Variants in SLC35F3 observed in about 807,000 individuals in gnomAD.
The protein encoded by SLC35F3 is solute carrier family 35 member F3.
A neutral mutation model predicts 49.9 loss-of-function variants in SLC35F3; 25 were observed. That is an observed-to-expected ratio of 0.50 (90% CI 0.37 to 0.70). The LOEUF (loss-of-function observed/expected upper bound fraction) is 0.70. SLC35F3 is among the 30% of genes least tolerant of loss of function. The pLI is 0.00. For synonymous variants in SLC35F3, 275 were observed against 265.4 expected (o/e 1.04, Z -0.35); for missense variants, 525 against 639.8 (o/e 0.82, Z 1.94).
chr1:234,267,681 C>G (rs1334157210), intron 3 of SLC35F3, among the ~76,000 whole-genome samples: 5 of 146,442 alleles, frequency 3.4e-5, no homozygotes, highest in African/African-American at 4.9e-5. Context: ...CGGGCGGAGA[C>G]GCTCCTCACT....
At chr1:234,206,653 C>T (rs1362208903) in intron 2 of SLC35F3, among the ~76,000 whole-genome samples, 1 of 152,106 alleles carries the variant, frequency 6.6e-6, no homozygotes, top group Non-Finnish European at 1.5e-5. Flanking sequence ...ACCAAGGTCC[C>T]CACCGTAGAG....
intron 3 of SLC35F3, among the ~76,000 whole-genome samples, chr1:234,246,173 G>A (rs184751985): frequency 1.3e-5 from 2 of 152,226 alleles, no homozygotes; most frequent in African/African-American, 2.4e-5. Context: ...AGGAAAGGCT[G>A]CCAGTGGCAG....
intron 2 of SLC35F3, among the ~76,000 whole-genome samples, chr1:234,007,319 G>C (rs1178737562): frequency 6.6e-6 from 1 of 152,200 alleles, no homozygotes; most frequent in East Asian, 1.9e-4. Flanking sequence ...TGGTACTTGA[G>C]CAAAGCCTTG....
chr1:234,082,684 C>T (rs879440928), intron 2 of SLC35F3, among the ~76,000 whole-genome samples: 1 of 152,186 alleles, frequency 6.6e-6, no homozygotes, highest in Non-Finnish European at 1.5e-5. Context: ...GTTTAATGGA[C>T]TCACAGTTTC....
intron 3 of SLC35F3, among the ~76,000 whole-genome samples, chr1:234,280,526 C>G (rs568250268): frequency 2.6e-5 from 4 of 152,320 alleles, no homozygotes; most frequent in African/African-American, 9.6e-5. Context: ...TTGAGCTTGA[C>G]AGCCTTCAGA....
intron 3 of SLC35F3, among the ~76,000 whole-genome samples, chr1:234,236,961 A>ATATATATATG (rs1424651694): frequency 2.4e-5 from 3 of 123,344 alleles, no homozygotes; most frequent in Non-Finnish European, 5.1e-5. Context: ...ATATATATAT[A>ATATATATATG]TATGGAGGAA....
At chr1:234,016,735 C>T (rs1192890170) in intron 2 of SLC35F3, among the ~76,000 whole-genome samples, 1 of 152,144 alleles carries the variant, frequency 6.6e-6, no homozygotes, top group African/African-American at 2.4e-5. Flanking sequence ...ATCCCATGTG[C>T]TTGATGTTAG....
At chr1:234,284,299 CAG>C (rs1424308893) in intron 3 of SLC35F3, among the ~76,000 whole-genome samples, 1 of 152,216 alleles carries the variant, frequency 6.6e-6, no homozygotes, top group Non-Finnish European at 1.5e-5. Context: ...CAAGATCTCA[CAG>C]CTAGGAGGTG....
intron 2 of SLC35F3, among the ~76,000 whole-genome samples, chr1:234,082,863 C>T (rs1664901763): frequency 6.6e-6 from 1 of 152,182 alleles, no homozygotes; most frequent in Non-Finnish European, 1.5e-5. Context: ...CCCATTGGGC[C>T]CCTCCTACAA....
rs564477418 is a variant in SLC35F3, at chr1:234,233,430, G to A, written c.608+1689G>A. 2.4e-4 allele frequency among the ~76,000 whole-genome samples: 37 copies of A among 152,346 alleles called. No individual in the cohort carries two copies. The South Asian group carries it at 6.6e-3, about 27-fold the overall frequency. ...CTACCTTCAACCATACAGGCTGAAA[G>A]AGGACCCCCAAGTGGTAACACTGGC... is the stretch of plus-strand genomic sequence containing the variant. On this transcript the variant is annotated intron_variant, in intron 3 of 7. Transcript: ENST00000366618.
At position 234,158,718 on chromosome 1, in the gene SLC35F3, G is replaced by A. The variant is rs149519502; in HGVS notation, c.284-72699G>A. Among the ~76,000 whole-genome samples, 22 of 152,274 alleles carry A rather than the reference G, an allele frequency of 1.4e-4. No individual in the cohort carries two copies. The East Asian group carries it at 3.7e-3, about 25-fold the overall frequency. On this transcript the variant is annotated intron_variant, in intron 2 of 7. Transcript: ENST00000366618. ...TAGACATGGAATTGGTTGTCAAAAA[G>A]CATGTGCATATTTAAGACGTTCCCT...
intron 3 of SLC35F3, among the ~76,000 whole-genome samples, chr1:234,251,262 G>A (rs1667733825): frequency 6.6e-6 from 1 of 152,098 alleles, no homozygotes; most frequent in Non-Finnish European, 1.5e-5. Flanking sequence ...ACTGCTTAGT[G>A]AGTGAAGGTT....
intron 2 of SLC35F3, among the ~76,000 whole-genome samples, chr1:234,207,442 T>C (rs12130578): frequency 0.063 from 267 of 4,254 alleles, 82 homozygotes; most frequent in African/African-American, 0.11. Flanking sequence ...CCTGCTTCCT[T>C]TTTTCTTCTT....
At chr1:234,139,985 A>AAAATAAAAT (rs1665875809) in intron 2 of SLC35F3, among the ~76,000 whole-genome samples, 1 of 140,334 alleles carries the variant, frequency 7.1e-6, no homozygotes, top group Non-Finnish European at 1.6e-5. Context: ...AAAATAAAAT[A>AAAATAAAAT]AAATAAAATA....
At chr1:234,268,271 A>G (rs2102972684) in intron 3 of SLC35F3, among the ~76,000 whole-genome samples, 1 of 152,256 alleles carries the variant, frequency 6.6e-6, no homozygotes, top group Admixed American at 6.5e-5. Context: ...CGGCCAACAC[A>G]GCGAAACCCC....
intron 2 of SLC35F3, among the ~76,000 whole-genome samples, chr1:234,197,412 G>A (rs536066736): frequency 3.3e-5 from 5 of 152,212 alleles, no homozygotes; most frequent in Non-Finnish European, 7.3e-5. Context: ...AGGGCTAGTG[G>A]AGAAGAGGAC....
intron 3 of SLC35F3, among the ~76,000 whole-genome samples, chr1:234,279,321 A>C (rs143906846): frequency 8.7e-4 from 132 of 152,308 alleles, no homozygotes; most frequent in African/African-American, 3.2e-3. Context: ...TGCCCTAAGC[A>C]GTTCCCAGCT....
At chr1:234,080,103 G>A (rs963602591) in intron 2 of SLC35F3, among the ~76,000 whole-genome samples, 5 of 152,122 alleles carry the variant, frequency 3.3e-5, no homozygotes, top group East Asian at 1.9e-4. Context: ...CCCCACCCCC[G>A]ACCTCCAGGG....
intron 2 of SLC35F3, among the ~76,000 whole-genome samples, chr1:234,184,836 G>A (rs1158809188): frequency 6.6e-6 from 1 of 152,214 alleles, no homozygotes; most frequent in African/African-American, 2.4e-5. Flanking sequence ...GGTACTCAAA[G>A]TGTGGTCCCT....
Sources: allele counts gnomAD v4.1 joint callset (sites outside exome capture counted in the v4.1 genomes callset), GRCh38; gene constraint gnomAD v4.1.1; transcripts MANE v1.5; gene names NCBI Gene and HGNC (gene_info 2026-07-23, HGNC 2026-07-21).